Variants in GRIA4 observed in about 807,000 individuals in gnomAD.
GRIA4 encodes the protein glutamate ionotropic receptor AMPA type subunit 4.
Under a neutral mutation model 104.0 loss-of-function variants are expected in GRIA4, and 34 were observed. The observed-to-expected ratio is 0.33, with a 90% CI of 0.25 to 0.44. GRIA4 has a LOEUF of 0.44. Among genes scored for constraint, GRIA4 ranks in the 20% least tolerant of loss-of-function variants. GRIA4 has a pLI of 1.00. For missense variants in GRIA4, 750 were observed against 1,096.5 expected, an observed-to-expected ratio of 0.68 and a Z score of 4.46; for synonymous variants, 386 against 381.9, an observed-to-expected ratio of 1.01 and a Z score of -0.13.
intron 14 of GRIA4, among the ~76,000 whole-genome samples, chr11:105,961,145 CA>C (rs1948736208): frequency 6.6e-6 from 1 of 152,208 alleles, no homozygotes; most frequent in South Asian, 2.1e-4. Flanking sequence ...CTCGACTATA[CA>C]AAGCATATCT....
chr11:105,663,038 A>G (rs940210244), intron 3 of GRIA4, among the ~76,000 whole-genome samples: 2 of 151,940 alleles, frequency 1.3e-5, no homozygotes, highest in Non-Finnish European at 2.9e-5. Context: ...AGATAATCTA[A>G]AATATCCTTG....
chr11:105,736,611 C>G (rs1938964107), intron 3 of GRIA4, among the ~76,000 whole-genome samples: 1 of 151,936 alleles, frequency 6.6e-6, no homozygotes, highest in South Asian at 2.1e-4. Flanking sequence ...CATAATCAGA[C>G]TTTATACTGC....
At chr11:105,873,944 G>C (rs1029182341) in intron 5 of GRIA4, among the ~76,000 whole-genome samples, 2 of 152,012 alleles carry the variant, frequency 1.3e-5, no homozygotes, top group Admixed American at 6.6e-5. Flanking sequence ...GTCAGTTTTG[G>C]CTTTTGTTGC....
At chr11:105,829,092 T>TACACACACACACACACACACAC (rs1367770399) in intron 4 of GRIA4, among the ~76,000 whole-genome samples, 3 of 58,156 alleles carry the variant, frequency 5.2e-5, no homozygotes, top group African/African-American at 3.7e-4. Flanking sequence ...TCCAGTGATG[T>TACACACACACACACACACACAC]ATACACACAC....
At chr11:105,719,120 G>A (rs987173343) in intron 3 of GRIA4, among the ~76,000 whole-genome samples, 4 of 152,186 alleles carry the variant, frequency 2.6e-5, no homozygotes, top group African/African-American at 7.2e-5. Flanking sequence ...GACAATCTGA[G>A]CTTCTTCAGG....
intron 7 of GRIA4, among the ~76,000 whole-genome samples, chr11:105,900,613 G>A (rs1049708038): frequency 6.6e-6 from 1 of 150,762 alleles, no homozygotes; most frequent in Non-Finnish European, 1.5e-5. Flanking sequence ...TTGAGACAGA[G>A]TCTCTCTCCG....
At chr11:105,869,118 T>C (rs1027081347) in intron 5 of GRIA4, among the ~76,000 whole-genome samples, 1 of 152,160 alleles carries the variant, frequency 6.6e-6, no homozygotes, top group Middle Eastern at 3.4e-3. Flanking sequence ...GTTGCAGCCA[T>C]ACCTCATTTT....
At chr11:105,872,439 T>C (rs1367540733) in intron 5 of GRIA4, among the ~76,000 whole-genome samples, 5 of 152,090 alleles carry the variant, frequency 3.3e-5, no homozygotes, top group African/African-American at 1.2e-4. Context: ...TCATAGACTC[T>C]CAGGTTGACT....
chr11:105,733,454 A>G (rs1938728942), intron 3 of GRIA4, among the ~76,000 whole-genome samples: 1 of 151,630 alleles, frequency 6.6e-6, no homozygotes, highest in Admixed American at 6.6e-5. Flanking sequence ...ATAGACGTCT[A>G]TTCTTTTCTT....
intron 13 of GRIA4, among the ~76,000 whole-genome samples, chr11:105,927,534 TA>T (rs773230095): frequency 6.6e-6 from 1 of 152,094 alleles, no homozygotes; most frequent in Non-Finnish European, 1.5e-5. Flanking sequence ...GCTTTGCAGA[TA>T]AAAATTTTCC....
intron 3 of GRIA4, among the ~76,000 whole-genome samples, chr11:105,686,872 C>A (rs1305321885): frequency 2.6e-5 from 4 of 152,072 alleles, no homozygotes; most frequent in Non-Finnish European, 4.4e-5. Flanking sequence ...ATTTTGTCAT[C>A]TTTTGAGAAG....
intron 3 of GRIA4, among the ~76,000 whole-genome samples, chr11:105,630,097 AT>A (rs1252343165): frequency 6.6e-6 from 1 of 152,110 alleles, no homozygotes; most frequent in Non-Finnish European, 1.5e-5. Context: ...ACCACCCCAG[AT>A]TGATTTAGGC....
intron 4 of GRIA4, among the ~76,000 whole-genome samples, chr11:105,854,105 A>G (rs543118552): frequency 5.8e-4 from 88 of 152,312 alleles, no homozygotes; most frequent in African/African-American, 2.0e-3. Flanking sequence ...CAGTGAACAA[A>G]ACAAGCCTCC....
At chr11:105,863,764 T>G (rs991907631) in intron 5 of GRIA4, among the ~76,000 whole-genome samples, 2 of 152,074 alleles carry the variant, frequency 1.3e-5, no homozygotes, top group African/African-American at 4.8e-5. Context: ...TGAGTAAGGC[T>G]CAGAAAGACC....
At chr11:105,682,729 A>G (rs1952750050) in intron 3 of GRIA4, among the ~76,000 whole-genome samples, 1 of 152,186 alleles carries the variant, frequency 6.6e-6, no homozygotes, top group Non-Finnish European at 1.5e-5. Context: ...TCTTATGATT[A>G]ATTAAGCAAC....
chr11:105,955,366 ATG>A (rs532309395), intron 14 of GRIA4, among the ~76,000 whole-genome samples: 132 of 152,178 alleles, frequency 8.7e-4, no homozygotes, highest in African/African-American at 3.0e-3. Context: ...GAGTGAGAAC[ATG>A]TGGTGTTTTG....
chr11:105,761,355 T>G (rs1940641147), intron 4 of GRIA4, among the ~76,000 whole-genome samples: 1 of 152,164 alleles, frequency 6.6e-6, no homozygotes. Flanking sequence ...TTTTCCTGCA[T>G]CCTTATTTTT....
chr11:105,770,204 A>G (rs1941148237), intron 4 of GRIA4, among the ~76,000 whole-genome samples: 1 of 152,052 alleles, frequency 6.6e-6, no homozygotes, highest in Admixed American at 6.6e-5. Context: ...CCTTGTTTGT[A>G]TCCTAACGTC....
At chr11:105,638,303 T>A (rs188015226) in intron 3 of GRIA4, among the ~76,000 whole-genome samples, 7 of 152,230 alleles carry the variant, frequency 4.6e-5, no homozygotes, top group African/African-American at 1.7e-4. Flanking sequence ...GGATCAGAAA[T>A]ATTGTGTTCA....
Sources: allele counts gnomAD v4.1 joint callset (sites outside exome capture counted in the v4.1 genomes callset), GRCh38; gene constraint gnomAD v4.1.1; transcripts MANE v1.5; gene names NCBI Gene and HGNC (gene_info 2026-07-23, HGNC 2026-07-21).